Variants in BRIP1 observed in about 807,000 individuals in gnomAD.
The protein encoded by BRIP1 is Fanconi anemia group J protein.
A neutral mutation model predicts 119.7 loss-of-function variants in BRIP1; 88 were observed. That is an observed-to-expected ratio of 0.74 (90% CI 0.62 to 0.88). BRIP1 has a LOEUF of 0.88. BRIP1 is among the 40% of genes least tolerant of loss of function. The probability of loss-of-function intolerance (pLI) is 0.00; values close to 1 mark genes in which losing one functional copy is unlikely to be tolerated. For missense variants in BRIP1, 1,259 were observed against 1,455.4 expected (o/e 0.87, Z 2.20); for synonymous variants, 443 against 496.5 (o/e 0.89, Z 1.43).
In BRIP1 at chr17:61,690,401, G is replaced by A. The variant is rs138569331; in HGVS notation, c.2575+3029C>T. ...GTTAGTGGATACACTATATAAAAGGGTATAATTTGTGACTTTAATAATAAA... is the reference window on the plus strand; with the variant it reads ...GTTAGTGGATACACTATATAAAAGGATATAATTTGTGACTTTAATAATAAA... On this transcript the variant is annotated intron_variant, in intron 18 of 19. Coordinates refer to ENST00000259008, the MANE Select transcript of BRIP1 (RefSeq NM_032043.3). This position sits in a 1 kb window ranked among gnomAD's most constrained non-coding sequence, Gnocchi z 5.6. Among the ~76,000 whole-genome samples, 276 of 152,244 alleles carry A rather than the reference G, an allele frequency of 1.8e-3. No homozygotes were observed. Among genetic ancestry groups the A allele is most frequent in the African/African-American group, 6.2e-3 (259 of 41,540 alleles).
Position 61,799,996 on chromosome 17 carries a change from A to G in BRIP1, c.1141-697T>C, listed in dbSNP as rs1422596571. 6.6e-6 allele frequency among the ~76,000 whole-genome samples: 1 copy of G among 152,134 alleles called. No homozygotes were observed. Among genetic ancestry groups the G allele is most frequent in the Non-Finnish European group, 1.5e-5 (1 of 68,020 alleles). On this transcript the variant is annotated intron_variant, in intron 8 of 19. Coordinates refer to ENST00000259008, the MANE Select transcript of BRIP1 (RefSeq NM_032043.3). The surrounding 1 kb of genome is among the most constrained non-coding windows in gnomAD (Gnocchi z 5.1). The stretch of plus-strand genomic sequence containing the variant: ...CTTCTGTGGTCACAGTGACTGGTTC[A>G]GGTTCAGGAACAGACATGTGATCCA...
chr17:61,818,194 G>C (rs368187138), intron 6 of BRIP1, among the ~76,000 whole-genome samples: 23 of 151,136 alleles, frequency 1.5e-4, no homozygotes, highest in East Asian at 3.9e-4. Context: ...CTCTAAAAAG[G>C]GGGGAGGGGG....
Position 61,784,303 on chromosome 17 carries a change from A to G in BRIP1, c.1595T>C (p.Met532Thr), listed in dbSNP as rs1179705368. Residue 532 changes from methionine (M) to threonine (T), a missense_variant, in exon 11 of 20, where the codon ATG (methionine) becomes ACG (threonine). This residue lies in a region of BRIP1 where 753 missense variants were observed against 891.8 expected (regional missense o/e 0.84). Transcript: ENST00000259008. The part of the protein sequence containing the change: ...STQIMLKGLF[M>T]VLDYLFRQNS... ...TTGCCTAAAAAGATAGTCAAGTACC[A>G]TAAAAAGTCCTTTAAGCATTATTTG... is the stretch of plus-strand genomic sequence containing the variant. 1 of 1,613,240 alleles carries G rather than the reference A, an allele frequency of 6.2e-7. No individual in the cohort carries two copies. The highest frequency in any genetic ancestry group is 8.5e-7 in the Non-Finnish European group (1 of 1,179,480).
chr17:61,731,986 T>C (rs1383015944), intron 16 of BRIP1, among the ~76,000 whole-genome samples: 2 of 134,684 alleles, frequency 1.5e-5, no homozygotes, highest in Non-Finnish European at 1.6e-5. Context: ...TCTTTCTTTT[T>C]TTTTTTTTTT....
Position 61,736,285 on chromosome 17 carries a change from G to A in BRIP1, c.2379+6728C>T, listed in dbSNP as rs139979792. ...CAAGGCTGCAGTGAGCTATGATTGT[G>A]CCACTGCACTCCAACCTGGGCGACA... On this transcript the variant is annotated intron_variant, in intron 16 of 19. Coordinates refer to ENST00000259008, the MANE Select transcript of BRIP1 (RefSeq NM_032043.3). The surrounding 1 kb of genome is among the most constrained non-coding windows in gnomAD (Gnocchi z 4.4). 4.3e-3 allele frequency among the ~76,000 whole-genome samples: 650 copies of A among 151,902 alleles called. 3 individuals carry two copies. Among genetic ancestry groups the A allele is most frequent in the African/African-American group, 0.015 (613 of 41,406 alleles).
rs181405431 is a variant in BRIP1 at position 61,862,641 on chromosome 17, G to A, written c.-31+643C>T. Among the ~76,000 whole-genome samples the A allele has an allele frequency of 1.8e-3, 276 of 152,186 alleles. No individual in the cohort carries two copies. The highest frequency in any genetic ancestry group is 3.2e-3 in the Non-Finnish European group (221 of 68,018). Reference sequence around the variant, plus strand: ...AAAAAGTCCATAGATTTCTCTTCCCGTAAATATATCTCAAGGAAATCAAAA... The same window carrying A: ...AAAAAGTCCATAGATTTCTCTTCCCATAAATATATCTCAAGGAAATCAAAA... On this transcript the variant is annotated intron_variant, in intron 1 of 19. Transcript: ENST00000259008. This position sits in a 1 kb window ranked among gnomAD's most constrained non-coding sequence, Gnocchi z 5.3.
At position 61,719,653 on chromosome 17, in the gene BRIP1, A is replaced by C. The variant is rs2061939580; in HGVS notation, c.2380-3590T>G. Among the ~76,000 whole-genome samples the C allele has an allele frequency of 2.0e-5, 3 of 151,546 alleles. No individual in the cohort carries two copies. The South Asian group carries it at 6.3e-4, about 32-fold the overall frequency. Reference sequence around the variant, plus strand: ...GGCAGAAGAATGGCATGAACCCAGGAGGCGGAGGTTGCAGTGAGCCAAGAT... The same window carrying C: ...GGCAGAAGAATGGCATGAACCCAGGCGGCGGAGGTTGCAGTGAGCCAAGAT... On this transcript the variant is annotated intron_variant, in intron 16 of 19. Transcript: ENST00000259008.
At chr17:61,839,447 G>A (rs1464831601) in intron 6 of BRIP1, among the ~76,000 whole-genome samples, 6 of 151,174 alleles carry the variant, frequency 4.0e-5, no homozygotes, top group Admixed American at 6.6e-5. Flanking sequence ...TACTTTATAC[G>A]TCATGTTTTT....
chr17:61,785,915 T>C (rs546361269), intron 10 of BRIP1, among the ~76,000 whole-genome samples: 2 of 148,212 alleles, frequency 1.3e-5, no homozygotes, highest in South Asian at 2.1e-4. Context: ...TACCTACACA[T>C]TGGCAGCTGG....
intron 14 of BRIP1, among the ~76,000 whole-genome samples, chr17:61,773,054 G>A (rs1050453370): frequency 8.6e-5 from 13 of 151,564 alleles, no homozygotes; most frequent in Non-Finnish European, 1.9e-4. Flanking sequence ...GATATTTAAA[G>A]CTAAAAAAGA....
rs926964308 is a variant in BRIP1 at position 61,682,972 on chromosome 17, A to G, written c.*324T>C. On this transcript the variant is annotated 3_prime_UTR_variant, in exon 20 of 20. Coordinates refer to ENST00000259008, the MANE Select transcript of BRIP1 (RefSeq NM_032043.3). The surrounding 1 kb of genome is among the most constrained non-coding windows in gnomAD (Gnocchi z 4.9). ...CATGGTGAAACCCCATCTCTACTAA[A>G]AATACAAAAACTAGCTGGGCATGGT... 1 of 283,116 alleles carries G rather than the reference A, an allele frequency of 3.5e-6. No individual in the cohort carries two copies. The highest frequency in any genetic ancestry group is 6.7e-6 in the Non-Finnish European group (1 of 149,170). 17.5% of individuals were successfully genotyped at this position (283,116 alleles called of 1,614,324 possible).
rs1289360427 is a variant in BRIP1, at chr17:61,843,401, A to G, written c.627+3700T>C. ...ACACACACACACACAAAAGGTAACT[A>G]TGTAAGGAGATGAATATATTAATTA... On this transcript the variant is annotated intron_variant, in intron 6 of 19. Coordinates refer to ENST00000259008, the MANE Select transcript of BRIP1 (RefSeq NM_032043.3). This position sits in a 1 kb window ranked among gnomAD's most constrained non-coding sequence, Gnocchi z 5.7. Among the ~76,000 whole-genome samples the G allele has an allele frequency of 6.6e-6, 1 of 152,076 alleles. No individual in the cohort carries two copies. The highest frequency in any genetic ancestry group is 1.5e-5 in the Non-Finnish European group (1 of 67,980).
intron 3 of BRIP1, 41 bp downstream of exon 3, chr17:61,859,755 G>T (rs1453738910): frequency 7.1e-6 from 9 of 1,273,470 alleles, no homozygotes; most frequent in Non-Finnish European, 1.0e-5. Context: ...TATTTTCTCA[G>T]ATCCCAGTAA....
chr17:61,698,052 C>T (rs538636554), intron 17 of BRIP1, among the ~76,000 whole-genome samples: 4 of 152,256 alleles, frequency 2.6e-5, no homozygotes, highest in South Asian at 4.1e-4. Flanking sequence ...GTAATCTGCC[C>T]GTGTTGGCCT....
In BRIP1 at chr17:61,713,106, G is replaced by GT. The variant is rs2061804755; in HGVS notation, c.2492+2844dup. Among the ~76,000 whole-genome samples, 1 of 152,034 alleles carries GT rather than the reference G, an allele frequency of 6.6e-6. No homozygotes were observed. The highest frequency in any genetic ancestry group is 6.6e-5 in the Admixed American group (1 of 15,254). ...CCTATCACCTAGTGATGTCACCATTGTAACATTATAGCACAATGCATTACA... is the reference window on the plus strand; with the variant it reads ...CCTATCACCTAGTGATGTCACCATTGTTAACATTATAGCACAATGCATTACA... On this transcript the variant is annotated intron_variant, in intron 17 of 19. Coordinates refer to ENST00000259008, the MANE Select transcript of BRIP1 (RefSeq NM_032043.3). The surrounding 1 kb of genome is among the most constrained non-coding windows in gnomAD (Gnocchi z 4.9).
At chr17:61,723,356 G>C (rs2062013799) in intron 16 of BRIP1, among the ~76,000 whole-genome samples, 1 of 152,120 alleles carries the variant, frequency 6.6e-6, no homozygotes, top group Non-Finnish European at 1.5e-5. Flanking sequence ...TATCTCTCAG[G>C]CATGCTTTCC....
rs573925559 is a variant in BRIP1 at position 61,753,603 on chromosome 17, ATT to A, written c.2098-9014_2098-9013del. On this transcript the variant is annotated intron_variant, in intron 14 of 19. Transcript: ENST00000259008. The surrounding 1 kb of genome is among the most constrained non-coding windows in gnomAD (Gnocchi z 4.6). Reference sequence around the variant, plus strand: ...AGCAAGAAAATCTTATTTCCTCTCCATTTTTTTTTTTTTTTAGAGATGGGATC... The same window carrying A: ...AGCAAGAAAATCTTATTTCCTCTCCATTTTTTTTTTTTTAGAGATGGGATC... Among the ~76,000 whole-genome samples, 21 of 143,006 alleles carry A rather than the reference ATT, an allele frequency of 1.5e-4. No homozygotes were observed. The highest frequency in any genetic ancestry group is 2.1e-4 in the Admixed American group (3 of 14,142). 93.8% of individuals were successfully genotyped at this position (143,006 alleles called of 152,430 possible). A position where few individuals can be genotyped will look rare whatever the true frequency, so the allele number is the denominator to read the frequency against.
At chr17:61,694,295 T>G (rs2061492106) in intron 17 of BRIP1, among the ~76,000 whole-genome samples, 1 of 152,112 alleles carries the variant, frequency 6.6e-6, no homozygotes, top group Non-Finnish European at 1.5e-5. Flanking sequence ...CTTTCTGTCC[T>G]TAGAGAGTTG....
At chr17:61,838,919 G>A (rs180714400) in intron 6 of BRIP1, among the ~76,000 whole-genome samples, 3 of 151,782 alleles carry the variant, frequency 2.0e-5, no homozygotes, top group Admixed American at 6.6e-5. Flanking sequence ...TAAAACTTAC[G>A]ACATTAATAC....
Sources: gnomAD v4.1 joint callset for allele counts (sites outside exome capture counted in the v4.1 genomes callset) on GRCh38, gnomAD v4.1.1 for gene constraint, gnomAD v4.1.1 regional missense constraint, Gnocchi (gnomAD v3.1) non-coding constraint, MANE v1.5 for transcripts, NCBI Gene and HGNC (gene_info 2026-07-23, HGNC 2026-07-21) for gene names.